The following PTPRD variants were observed in gnomAD, a reference collection of about 807,000 sequenced individuals.
PTPRD encodes protein tyrosine phosphatase receptor type D, also known as receptor-type tyrosine-protein phosphatase delta.
Under a neutral mutation model 214.5 loss-of-function variants are expected in PTPRD, and 34 were observed. The ratio of observed to expected loss-of-function variants is 0.16; its 90% CI spans 0.12 to 0.21. The LOEUF is 0.21. Among genes scored for constraint, PTPRD ranks in the 10% least tolerant of loss-of-function variants. The probability of loss-of-function intolerance (pLI) is 1.00; values close to 1 mark genes in which losing one functional copy is unlikely to be tolerated. For synonymous variants in PTPRD, 1,128 were observed against 845.7 expected (o/e 1.33, Z -5.79); for missense variants, 2,545 against 2,398.7 (o/e 1.06, Z -1.27).
chr9:9,951,669 A>G (rs2093466429), intron 4 of PTPRD, among the ~76,000 whole-genome samples: 1 of 152,234 alleles, frequency 6.6e-6, no homozygotes, highest in Admixed American at 6.5e-5. Context: ...TCCTTCCTAC[A>G]GCCCCTCTAT....
At chr9:10,440,579 G>A (rs1386260204) in intron 2 of PTPRD, among the ~76,000 whole-genome samples, 4 of 151,680 alleles carry the variant, frequency 2.6e-5, no homozygotes, top group Non-Finnish European at 5.9e-5. Context: ...CAGCAGAGGC[G>A]CTGGTGAGAA....
intron 12 of PTPRD, among the ~76,000 whole-genome samples, chr9:8,702,774 A>AT (rs1374897262): frequency 1.3e-5 from 2 of 151,998 alleles, no homozygotes; most frequent in Non-Finnish European, 2.9e-5. Flanking sequence ...CGCCCAGCGA[A>AT]TTTTTTGTAT....
At chr9:8,856,965 C>T (rs1160843776) in intron 11 of PTPRD, among the ~76,000 whole-genome samples, 3 of 152,144 alleles carry the variant, frequency 2.0e-5, no homozygotes, top group African/African-American at 7.2e-5. Context: ...TTGTTCGTGG[C>T]TTTCTTTTTA....
At chr9:9,311,333 G>T (rs1158641358) in intron 9 of PTPRD, among the ~76,000 whole-genome samples, 1 of 152,076 alleles carries the variant, frequency 6.6e-6, no homozygotes, top group Non-Finnish European at 1.5e-5. Flanking sequence ...AAGATGTATT[G>T]ACTCTCAGGA....
At chr9:9,088,581 GAAA>G (rs533619970) in intron 10 of PTPRD, among the ~76,000 whole-genome samples, 563 of 32,916 alleles carry the variant, frequency 0.017, 1 homozygote, top group Middle Eastern at 0.071. Context: ...CTTAGTCTCA[GAAA>G]AAAAAAAAAA....
intron 12 of PTPRD, among the ~76,000 whole-genome samples, chr9:8,705,307 G>C (rs986106432): frequency 6.6e-6 from 1 of 152,076 alleles, no homozygotes; most frequent in Non-Finnish European, 1.5e-5. Flanking sequence ...TGCAACCTCC[G>C]CCTCTGGGAT....
intron 12 of PTPRD, among the ~76,000 whole-genome samples, chr9:8,693,039 T>G (rs1261395436): frequency 6.6e-6 from 1 of 152,224 alleles, no homozygotes; most frequent in Non-Finnish European, 1.5e-5. Context: ...GGTATGTTAT[T>G]AAAAACAGTC....
rs1210898900 is a variant in PTPRD, at chr9:9,090,877, T to A, written c.-142-72142A>T. On this transcript the variant is annotated intron_variant, in intron 10 of 45. Transcript: ENST00000381196. ...GGTTAAAAATTTCTTTAAATAGCTGTCTCCGGTCCGTGCCTCCAAGATGAC... is the reference window on the plus strand; with the variant it reads ...GGTTAAAAATTTCTTTAAATAGCTGACTCCGGTCCGTGCCTCCAAGATGAC... The A allele has an allele frequency of 3.0e-6, 3 of 988,294 alleles. No individual in the cohort carries two copies. In the East Asian group the frequency reaches 7.1e-5, roughly 23 times the overall value. The allele number at this position is 988,294 out of a possible 1,614,324, so 61.2% of individuals were successfully genotyped here. A position where few individuals can be genotyped will look rare whatever the true frequency, so the allele number is the denominator to read the frequency against.
chr9:9,919,506 A>G (rs1056051094), intron 5 of PTPRD, among the ~76,000 whole-genome samples: 3 of 152,136 alleles, frequency 2.0e-5, no homozygotes, highest in Non-Finnish European at 2.9e-5. Context: ...CCGCATTCGG[A>G]TAATTATTCA....
intron 4 of PTPRD, among the ~76,000 whole-genome samples, chr9:9,939,382 T>C (rs931488292): frequency 6.6e-6 from 1 of 152,190 alleles, no homozygotes; most frequent in African/African-American, 2.4e-5. Context: ...TGCAGCACTG[T>C]AGCAGTCTTC....
chr9:8,381,758 C>CTT (rs1208893079), intron 37 of PTPRD, among the ~76,000 whole-genome samples: 2 of 152,180 alleles, frequency 1.3e-5, no homozygotes, highest in Admixed American at 1.3e-4. Flanking sequence ...TGCTTATTAA[C>CTT]TTTAAAAAAG....
chr9:8,590,511 C>G (rs897609795), intron 14 of PTPRD, among the ~76,000 whole-genome samples: 3 of 152,068 alleles, frequency 2.0e-5, no homozygotes, highest in Non-Finnish European at 4.4e-5. Flanking sequence ...GTTTCCTGTC[C>G]TTCTCTTCCT....
chr9:9,621,731 G>A (rs1382475930), intron 7 of PTPRD, among the ~76,000 whole-genome samples: 1 of 152,190 alleles, frequency 6.6e-6, no homozygotes, highest in African/African-American at 2.4e-5. Context: ...AAAGTGTGAA[G>A]TGGAGCACGC....
chr9:8,654,122 A>G (rs1274624701), intron 12 of PTPRD, among the ~76,000 whole-genome samples: 3 of 152,198 alleles, frequency 2.0e-5, no homozygotes, highest in African/African-American at 7.2e-5. Flanking sequence ...AGTTGTGACA[A>G]TCTAACATTA....
At chr9:9,500,481 T>C (rs924648829) in intron 8 of PTPRD, among the ~76,000 whole-genome samples, 1 of 151,060 alleles carries the variant, frequency 6.6e-6, no homozygotes, top group Admixed American at 6.6e-5. Flanking sequence ...ACTATAGATA[T>C]TGAGGTTTGG....
At chr9:9,955,483 T>C (rs558055523) in intron 4 of PTPRD, among the ~76,000 whole-genome samples, 1 of 152,106 alleles carries the variant, frequency 6.6e-6, no homozygotes, top group African/African-American at 2.4e-5. Context: ...AACATTGAAC[T>C]CTGGATATTT....
chr9:9,315,490 T>C (rs1385233409), intron 9 of PTPRD, among the ~76,000 whole-genome samples: 1 of 152,050 alleles, frequency 6.6e-6, no homozygotes, highest in African/African-American at 2.4e-5. Context: ...CCAAAGTCTA[T>C]GTTTTTCTAT....
At chr9:9,189,461 G>T (rs779989551) in intron 9 of PTPRD, among the ~76,000 whole-genome samples, 1 of 151,888 alleles carries the variant, frequency 6.6e-6, no homozygotes, top group Non-Finnish European at 1.5e-5. Flanking sequence ...TTCTTACCTG[G>T]TCTATTCCTA....
intron 36 of PTPRD, among the ~76,000 whole-genome samples, chr9:8,390,559 G>A (rs1374170927): frequency 6.8e-6 from 1 of 147,770 alleles, no homozygotes; most frequent in African/African-American, 2.5e-5. Flanking sequence ...TTGCTTTATT[G>A]CCTATTTTGA....
Sources: gnomAD v4.1 joint callset for allele counts (sites outside exome capture counted in the v4.1 genomes callset) on GRCh38, gnomAD v4.1.1 for gene constraint, MANE v1.5 for transcripts, NCBI Gene and HGNC (gene_info 2026-07-23, HGNC 2026-07-21) for gene names.